Variants in LTBP1 observed in about 807,000 individuals in gnomAD.
The protein encoded by LTBP1 is latent-transforming growth factor beta-binding protein 1.
Under a neutral mutation model 207.6 loss-of-function variants are expected in LTBP1, and 129 were observed. The ratio of observed to expected loss-of-function variants is 0.62; its 90% CI spans 0.54 to 0.72. The LOEUF (loss-of-function observed/expected upper bound fraction) is 0.72. Among genes scored for constraint, LTBP1 ranks in the 30% least tolerant of loss-of-function variants. The pLI is 0.00. For missense variants in LTBP1, 2,281 were observed against 2,217.2 expected (o/e 1.03, Z -0.58); for synonymous variants, 963 against 833.7 (o/e 1.16, Z -2.67).
At chr2:33,155,562 A>G (rs997829554) in intron 5 of LTBP1, among the ~76,000 whole-genome samples, 1 of 152,004 alleles carries the variant, frequency 6.6e-6, no homozygotes, top group Non-Finnish European at 1.5e-5. Context: ...GGATGTTTGT[A>G]GCATCTTTGG....
At chr2:33,266,960 T>C (rs1255274337) in intron 15 of LTBP1, among the ~76,000 whole-genome samples, 1 of 152,182 alleles carries the variant, frequency 6.6e-6, no homozygotes, top group Non-Finnish European at 1.5e-5. Flanking sequence ...CTGTGGCCCT[T>C]TGGGGAGCCC....
chr2:33,145,816 A>T (rs2082983941), intron 5 of LTBP1, among the ~76,000 whole-genome samples: 1 of 152,220 alleles, frequency 6.6e-6, no homozygotes, highest in African/African-American at 2.4e-5. Flanking sequence ...CCTTTGTATT[A>T]TACCATTTTC....
intron 3 of LTBP1, among the ~76,000 whole-genome samples, chr2:33,099,263 T>C (rs1288126532): frequency 6.6e-6 from 1 of 152,188 alleles, no homozygotes; most frequent in Non-Finnish European, 1.5e-5. Context: ...TTAGCAGCAA[T>C]TGTAATAGAA....
chr2:33,266,721 G>A (rs79330385), intron 15 of LTBP1, among the ~76,000 whole-genome samples: 2,256 of 152,186 alleles, frequency 0.015, 21 homozygotes, highest in East Asian at 0.025. Context: ...TGACGTGCCC[G>A]CAGAAAGGAG....
At chr2:33,283,508 C>T (rs928635917) in intron 19 of LTBP1, among the ~76,000 whole-genome samples, 9 of 142,872 alleles carry the variant, frequency 6.3e-5, no homozygotes, top group African/African-American at 2.4e-4. Context: ...GCCATCTCAG[C>T]TCACTGCAAC....
At position 32,999,630 on chromosome 2, in the gene LTBP1, G is replaced by A. The variant is rs374556074; in HGVS notation, c.566-21279G>A. On this transcript the variant is annotated intron_variant, in intron 2 of 33. Transcript: ENST00000404816. Reference sequence around the variant, plus strand: ...GAGGCGGCTGGGCGCGGTGGCTCACGCCTGTAATCCCAGCACTTTGGGAGG... The same window carrying A: ...GAGGCGGCTGGGCGCGGTGGCTCACACCTGTAATCCCAGCACTTTGGGAGG... 6.0e-5 allele frequency among the ~76,000 whole-genome samples: 8 copies of A among 133,944 alleles called. 3 individuals carry two copies. The highest frequency in any genetic ancestry group is 3.1e-4 in the Admixed American group (4 of 13,016). 87.9% of individuals were successfully genotyped at this position (133,944 alleles called of 152,430 possible).
intron 7 of LTBP1, among the ~76,000 whole-genome samples, chr2:33,207,464 A>G (rs951577150): frequency 6.6e-6 from 1 of 152,198 alleles, no homozygotes; most frequent in African/African-American, 2.4e-5. Flanking sequence ...AATGCCTAAC[A>G]TTGTTTTAAT....
At chr2:33,189,888 G>A (rs1016238081) in intron 7 of LTBP1, among the ~76,000 whole-genome samples, 85 of 152,034 alleles carry the variant, frequency 5.6e-4, no homozygotes, top group South Asian at 4.2e-4. Flanking sequence ...TTAGCCCGGC[G>A]TGGTGGCAGG....
intron 19 of LTBP1, among the ~76,000 whole-genome samples, chr2:33,286,159 A>G (rs2093661609): frequency 6.6e-6 from 1 of 152,144 alleles, no homozygotes; most frequent in Non-Finnish European, 1.5e-5. Flanking sequence ...AAATTCTGAG[A>G]TTTTGTCAGT....
intron 3 of LTBP1, among the ~76,000 whole-genome samples, chr2:33,098,942 C>T (rs1280041876): frequency 6.6e-6 from 1 of 152,172 alleles, no homozygotes; most frequent in African/African-American, 2.4e-5. Context: ...GGTACATACC[C>T]AACTGAAGTT....
intron 3 of LTBP1, among the ~76,000 whole-genome samples, chr2:33,038,409 A>G (rs2076028150): frequency 6.6e-6 from 1 of 152,230 alleles, no homozygotes. Flanking sequence ...CCCATGAAGC[A>G]TGTTAAAACC....
chr2:33,363,572 A>G, intron 29 of LTBP1, 54 bp downstream of exon 29: 1 of 1,555,286 alleles, frequency 6.4e-7, no homozygotes, highest in Admixed American at 1.8e-5. Flanking sequence ...CAGATGGAAA[A>G]AATAACTATG....
intron 5 of LTBP1, among the ~76,000 whole-genome samples, chr2:33,136,292 T>G (rs1264632249): frequency 6.6e-6 from 1 of 152,184 alleles, no homozygotes; most frequent in African/African-American, 2.4e-5. Flanking sequence ...GGAAGTGAAC[T>G]GATGATCAGG....
rs541324447 is a variant in LTBP1 at position 33,074,794 on chromosome 2, G to A, written c.864-35788G>A. On this transcript the variant is annotated intron_variant, in intron 3 of 33. Coordinates refer to ENST00000404816, the MANE Select transcript of LTBP1 (RefSeq NM_206943.4). ...CTGAGGCAGGAGAATGGCGTGAACC[G>A]AGGAGGTGGAGGTTGCAGTCAGCCG... 6.6e-5 allele frequency among the ~76,000 whole-genome samples: 10 copies of A among 151,390 alleles called. No individual in the cohort carries two copies. In the South Asian group the frequency reaches 8.4e-4, roughly 13 times the overall value.
At chr2:33,167,441 G>A (rs1212214101) in intron 5 of LTBP1, among the ~76,000 whole-genome samples, 1 of 151,732 alleles carries the variant, frequency 6.6e-6, no homozygotes, top group Non-Finnish European at 1.5e-5. Context: ...ATGAGCAACT[G>A]AAAAAGATGA....
Position 33,077,758 on chromosome 2 carries a change from A to G in LTBP1, c.864-32824A>G, listed in dbSNP as rs111405625. Among the ~76,000 whole-genome samples, 695 of 152,298 alleles carry G rather than the reference A, an allele frequency of 4.6e-3. 9 individuals are homozygous for G. The highest frequency in any genetic ancestry group is 0.016 in the African/African-American group (651 of 41,572). ...TTGTTGTTTTTTACTTTTATTTACA[A>G]ACCAAGCCCAAAACTCTCAAACATT... On this transcript the variant is annotated intron_variant, in intron 3 of 33. Coordinates refer to ENST00000404816, the MANE Select transcript of LTBP1 (RefSeq NM_206943.4).
chr2:33,177,640 C>T (rs556537252), intron 5 of LTBP1, among the ~76,000 whole-genome samples: 1 of 152,076 alleles, frequency 6.6e-6, no homozygotes, highest in Non-Finnish European at 1.5e-5. Context: ...TACATTCCAG[C>T]CTGGGTGACA....
intron 3 of LTBP1, among the ~76,000 whole-genome samples, chr2:33,057,939 A>C (rs1030149368): frequency 6.6e-6 from 1 of 152,232 alleles, no homozygotes; most frequent in African/African-American, 2.4e-5. Context: ...GGCCGAGGAG[A>C]CGCCAAGAGC....
At chr2:32,978,774 G>T (rs1228765576) in intron 2 of LTBP1, among the ~76,000 whole-genome samples, 1 of 151,386 alleles carries the variant, frequency 6.6e-6, no homozygotes, top group Non-Finnish European at 1.5e-5. Flanking sequence ...AATAGTTTGA[G>T]TAGGATTGGT....
Sources: gnomAD v4.1 joint callset for allele counts (sites outside exome capture counted in the v4.1 genomes callset) on GRCh38, gnomAD v4.1.1 for gene constraint, MANE v1.5 for transcripts, NCBI Gene and HGNC (gene_info 2026-07-23, HGNC 2026-07-21) for gene names.